DOCK3: variants seen among roughly 807,000 people sequenced by gnomAD.
DOCK3 encodes dedicator of cytokinesis protein 3.
A neutral mutation model predicts 265.6 loss-of-function variants in DOCK3; 60 were observed. The observed-to-expected ratio is 0.23, with a 90% CI of 0.18 to 0.28. The LOEUF (loss-of-function observed/expected upper bound fraction) is 0.28, where lower values mean the gene tolerates loss of function less well. Ranked by LOEUF, DOCK3 falls within the 10% of genes least tolerant of loss-of-function variation. DOCK3 has a pLI of 1.00. For missense variants in DOCK3, 1,981 were observed against 2,594.3 expected (o/e 0.76, Z 5.14); for synonymous variants, 881 against 938.0 (o/e 0.94, Z 1.11).
chr3:51,312,966 C>T (rs1308243939), intron 31 of DOCK3, 64 bp downstream of exon 31: 1 of 1,402,622 alleles, frequency 7.1e-7, no homozygotes, highest in Non-Finnish European at 9.9e-7. Context: ...AGTAGCAAGA[C>T]TAATAACATC....
At chr3:50,988,202 G>C (rs1033707191) in intron 5 of DOCK3, among the ~76,000 whole-genome samples, 1 of 152,124 alleles carries the variant, frequency 6.6e-6, no homozygotes, top group Admixed American at 6.5e-5. Flanking sequence ...TTGGGCTTTG[G>C]AGAGTCTGAG....
chr3:50,767,179 T>A (rs991500140), intron 1 of DOCK3, among the ~76,000 whole-genome samples: 3 of 152,184 alleles, frequency 2.0e-5, no homozygotes, highest in African/African-American at 7.2e-5. Context: ...TGTTTTAGAC[T>A]TGAAGTGCTT....
intron 14 of DOCK3, among the ~76,000 whole-genome samples, chr3:51,221,215 G>A (rs1053496318): frequency 6.6e-6 from 1 of 152,138 alleles, no homozygotes; most frequent in Non-Finnish European, 1.5e-5. Context: ...GCCAATCCCT[G>A]TCATAATAAC....
Position 50,712,337 on chromosome 3 carries a change from CT to C in DOCK3, c.37+37042del. Among the ~76,000 whole-genome samples the C allele has an allele frequency of 1.3e-5, 2 of 152,120 alleles. 1 individual carries two copies. Among genetic ancestry groups the C allele is most frequent in the South Asian group, 4.2e-4 (2 of 4,816 alleles). On this transcript the variant is annotated intron_variant, in intron 1 of 52. Transcript: ENST00000266037. The stretch of plus-strand genomic sequence containing the variant: ...AGTTCTTTAGCCACCTCTTGTAAGA[CT>C]TTTTATTTTTATTTTTTGAGACGGA...
chr3:50,699,988 A>G (rs1469025763), intron 1 of DOCK3, among the ~76,000 whole-genome samples: 1 of 152,326 alleles, frequency 6.6e-6, no homozygotes, highest in South Asian at 2.1e-4. Context: ...AAACATTTCA[A>G]ATATCCTTTT....
chr3:51,354,739 G>A (rs2086246449), intron 40 of DOCK3, 143 bp from the exon 41 acceptor site: 4 of 1,269,780 alleles, frequency 3.2e-6, no homozygotes, highest in Non-Finnish European at 2.1e-6. Flanking sequence ...CTCCTTGAGT[G>A]CAATGCCCTG....
At chr3:50,747,317 G>T (rs2039510434) in intron 1 of DOCK3, among the ~76,000 whole-genome samples, 1 of 152,074 alleles carries the variant, frequency 6.6e-6, no homozygotes, top group South Asian at 2.1e-4. Context: ...ATTTCCATAT[G>T]AATTTTAAAA....
At chr3:51,245,357 C>T (rs898776620) in intron 21 of DOCK3, among the ~76,000 whole-genome samples, 1 of 151,418 alleles carries the variant, frequency 6.6e-6, no homozygotes, top group African/African-American at 2.4e-5. Context: ...ATAAATAAGA[C>T]CATTAAAGCA....
At chr3:50,743,260 C>T (rs1343481522) in intron 1 of DOCK3, among the ~76,000 whole-genome samples, 1 of 151,884 alleles carries the variant, frequency 6.6e-6, no homozygotes, top group Non-Finnish European at 1.5e-5. Flanking sequence ...TAAAGACCAT[C>T]GAGGCTAGGA....
intron 4 of DOCK3, among the ~76,000 whole-genome samples, chr3:50,896,639 A>C (rs1173855237): frequency 6.6e-6 from 1 of 152,122 alleles, no homozygotes; most frequent in African/African-American, 2.4e-5. Context: ...TTAAGTCTTT[A>C]ATCCATCTTG....
intron 1 of DOCK3, among the ~76,000 whole-genome samples, chr3:50,703,613 C>T (rs888611093): frequency 6.6e-6 from 1 of 151,648 alleles, no homozygotes; most frequent in African/African-American, 2.4e-5. Flanking sequence ...AATTTGTTAG[C>T]ATATAGTTGT....
intron 5 of DOCK3, among the ~76,000 whole-genome samples, chr3:51,041,678 A>G (rs1429032745): frequency 2.0e-5 from 3 of 152,170 alleles, no homozygotes; most frequent in Non-Finnish European, 4.4e-5. Context: ...GAGCAGTAAT[A>G]TTTTGAAAGG....
intron 3 of DOCK3, 29 bp downstream of exon 3, chr3:50,841,744 T>TTTTTTTTTTTTTTTTTTG: frequency 2.3e-5 from 12 of 520,324 alleles, no homozygotes; most frequent in Non-Finnish European, 3.4e-5. Flanking sequence ...TTACCTTTTC[T>TTTTTTTTTTTTTTTTTTG]AATGTAGGAA....
At chr3:50,840,089 G>A (rs1310108833) in intron 2 of DOCK3, among the ~76,000 whole-genome samples, 1 of 151,866 alleles carries the variant, frequency 6.6e-6, no homozygotes, top group Non-Finnish European at 1.5e-5. Flanking sequence ...TTCTTATTGA[G>A]TTTTAAGAGT....
chr3:51,298,257 T>C (rs371726978), intron 27 of DOCK3, among the ~76,000 whole-genome samples: 2 of 152,258 alleles, frequency 1.3e-5, no homozygotes, highest in Non-Finnish European at 2.9e-5. Context: ...ACTAGAACCA[T>C]GTAATCCTTT....
intron 12 of DOCK3, among the ~76,000 whole-genome samples, chr3:51,175,187 G>A (rs1387048184): frequency 6.6e-6 from 1 of 152,126 alleles, no homozygotes; most frequent in African/African-American, 2.4e-5. Context: ...GCACAGATAG[G>A]TGTTTCTCCC....
chr3:51,109,949 A>G (rs1468253155), intron 9 of DOCK3, among the ~76,000 whole-genome samples: 1 of 152,072 alleles, frequency 6.6e-6, no homozygotes, highest in Non-Finnish European at 1.5e-5. Context: ...AAAAATTCAA[A>G]TAAACACAAT....
chr3:50,714,502 A>T (rs2107950167), intron 1 of DOCK3, among the ~76,000 whole-genome samples: 1 of 151,974 alleles, frequency 6.6e-6, no homozygotes, highest in East Asian at 1.9e-4. Context: ...TTATTTTTGG[A>T]TAGGATCTTG....
chr3:51,184,125 C>T (rs572855976), intron 12 of DOCK3, among the ~76,000 whole-genome samples: 39 of 152,078 alleles, frequency 2.6e-4, no homozygotes, highest in Non-Finnish European at 5.3e-4. Flanking sequence ...GCCTGGCCAA[C>T]ATGGCAAAAC....
Sources: gnomAD v4.1 joint callset for allele counts (sites outside exome capture counted in the v4.1 genomes callset) on GRCh38, gnomAD v4.1.1 for gene constraint, MANE v1.5 for transcripts, NCBI Gene and HGNC (gene_info 2026-07-23, HGNC 2026-07-21) for gene names.